The following PCLO variants were observed in gnomAD, a reference collection of about 807,000 sequenced individuals.
PCLO encodes piccolo presynaptic cytomatrix protein.
PCLO carries 82 observed loss-of-function variants against 427.5 expected under a neutral mutation model. The ratio of observed to expected loss-of-function variants is 0.19; its 90% CI spans 0.16 to 0.23. The LOEUF (loss-of-function observed/expected upper bound fraction) is 0.23. PCLO is among the 10% of genes least tolerant of loss of function. The pLI is 1.00. For missense variants in PCLO, 6,239 were observed against 6,115.9 expected, an observed-to-expected ratio of 1.02 and a Z score of -0.67; for synonymous variants, 2,357 against 2,155.4, an observed-to-expected ratio of 1.09 and a Z score of -2.59.
At chr7:83,044,469 T>C (rs568571879) in intron 3 of PCLO, among the ~76,000 whole-genome samples, 7 of 152,304 alleles carry the variant, frequency 4.6e-5, no homozygotes, top group South Asian at 2.1e-4. Flanking sequence ...ACTGGTTGTT[T>C]GAGTGGTTAA....
Position 82,951,440 on chromosome 7 carries a change from G to T in PCLO, c.9148C>A (p.Arg3050=). The change falls in exon 6 of 25, where the codon CGA becomes AGA. Residue 3050 remains arginine, a synonymous_variant. Transcript: ENST00000333891. ...ATCCCAGCTCCTGAAATGACTTGTC[G>T]TGTTTCTGGATATGGACCTGTAGTC... ...SKTTGPYPET[R]QVISGAGIST... 2 of 1,589,772 alleles carry T rather than the reference G, an allele frequency of 1.3e-6. No individual in the cohort carries two copies. Among genetic ancestry groups the T allele is most frequent in the Non-Finnish European group, 1.7e-6 (2 of 1,166,950 alleles).
At chr7:83,059,685 T>C (rs1052214963) in intron 3 of PCLO, among the ~76,000 whole-genome samples, 1 of 152,014 alleles carries the variant, frequency 6.6e-6, no homozygotes, top group African/African-American at 2.4e-5. Flanking sequence ...GCTTGGTGGT[T>C]AAGAGGTGAA....
At chr7:83,157,136 CTG>C in intron 1 of PCLO, among the ~76,000 whole-genome samples, 1 of 152,284 alleles carries the variant, frequency 6.6e-6, no homozygotes, top group South Asian at 2.1e-4. Flanking sequence ...CAGAGAGTGA[CTG>C]GGGATTATCC....
At chr7:83,092,687 T>G (rs1743907076) in intron 3 of PCLO, among the ~76,000 whole-genome samples, 2 of 152,008 alleles carry the variant, frequency 1.3e-5, no homozygotes, top group African/African-American at 4.8e-5. Flanking sequence ...CGGTGGCTCA[T>G]GCCTGTAATC....
At chr7:82,885,136 G>T (rs548141865) in intron 9 of PCLO, among the ~76,000 whole-genome samples, 6 of 152,216 alleles carry the variant, frequency 3.9e-5, no homozygotes, top group African/African-American at 1.4e-4. Flanking sequence ...AAAGGTGATG[G>T]ATAGCCACTA....
intron 3 of PCLO, among the ~76,000 whole-genome samples, chr7:83,115,679 C>T (rs1445844897): frequency 1.3e-5 from 2 of 152,022 alleles, no homozygotes; most frequent in Non-Finnish European, 2.9e-5. Flanking sequence ...CAACTTTAGG[C>T]ATTCCACACA....
intron 10 of PCLO, among the ~76,000 whole-genome samples, chr7:82,864,178 A>G (rs1480285584): frequency 6.6e-6 from 1 of 152,166 alleles, no homozygotes; most frequent in Non-Finnish European, 1.5e-5. Context: ...TCTTAGATGT[A>G]AGTGCATAAT....
chr7:83,144,592 TA>T (rs975092151), intron 2 of PCLO, among the ~76,000 whole-genome samples: 8 of 152,002 alleles, frequency 5.3e-5, no homozygotes, highest in African/African-American at 1.5e-4. Context: ...ACAGTATATT[TA>T]AAAAAAATCT....
intron 3 of PCLO, among the ~76,000 whole-genome samples, chr7:83,124,981 C>A (rs1046983780): frequency 6.6e-6 from 1 of 152,154 alleles, no homozygotes; most frequent in African/African-American, 2.4e-5. Context: ...GTCTCCAGCT[C>A]CTGACCTCGA....
chr7:83,069,958 G>A (rs1190698597), intron 3 of PCLO, among the ~76,000 whole-genome samples: 1 of 152,030 alleles, frequency 6.6e-6, no homozygotes. Flanking sequence ...TCCCTCAAGA[G>A]GTGAAGCTTG....
At chr7:83,086,082 T>A (rs1289044106) in intron 3 of PCLO, among the ~76,000 whole-genome samples, 2 of 151,834 alleles carry the variant, frequency 1.3e-5, no homozygotes, top group African/African-American at 4.8e-5. Context: ...AATTGCTACC[T>A]GAACACTGAC....
At chr7:82,768,272 A>T (rs1300188000) in intron 22 of PCLO, among the ~76,000 whole-genome samples, 1 of 152,030 alleles carries the variant, frequency 6.6e-6, no homozygotes, top group Non-Finnish European at 1.5e-5. Context: ...AAAATACAAA[A>T]ATTAGCCAGG....
chr7:82,834,170 A>C (rs1792168223), intron 16 of PCLO, among the ~76,000 whole-genome samples: 1 of 152,196 alleles, frequency 6.6e-6, no homozygotes, highest in Non-Finnish European at 1.5e-5. Flanking sequence ...TAAGTTAAAT[A>C]CAATCTCTAT....
intron 6 of PCLO, among the ~76,000 whole-genome samples, chr7:82,919,135 G>T (rs1313953714): frequency 6.6e-6 from 1 of 151,972 alleles, no homozygotes; most frequent in Admixed American, 6.6e-5. Context: ...CTTGTCATAT[G>T]CTCTTATGTA....
At chr7:82,926,815 G>T (rs186507603) in intron 6 of PCLO, among the ~76,000 whole-genome samples, 22 of 152,166 alleles carry the variant, frequency 1.4e-4, no homozygotes, top group African/African-American at 5.1e-4. Context: ...AAATATTTTG[G>T]AAGGCCCTTT....
Position 82,834,952 on chromosome 7 carries a change from T to TG in PCLO, c.14249+714_14249+715insC, listed in dbSNP as rs1554338189. ...AAGTTCAAACACCTATTATCTTTTT[T>TG]TTTGTTTGTTTGTTTGTTTGTTTGT... On this transcript the variant is annotated intron_variant, in intron 16 of 24. Transcript: ENST00000333891. 8.0e-3 allele frequency among the ~76,000 whole-genome samples: 1,015 copies of TG among 126,846 alleles called. 4 individuals are homozygous for TG. Among genetic ancestry groups the TG allele is most frequent in the Non-Finnish European group, 0.01 (569 of 56,100 alleles). The allele number at this position is 126,846 out of a possible 152,430, so 83.2% of individuals were successfully genotyped here.
At position 82,953,510 on chromosome 7, in the gene PCLO, A is replaced by G. The variant is rs747925924; in HGVS notation, c.7443T>C (p.Thr2481=). The change falls in exon 5 of 25, where the codon ACT becomes ACC. Residue 2481 remains threonine (T), a synonymous_variant. Transcript: ENST00000333891. Reference sequence around the variant, plus strand: ...GCTTAGGAGGAACAGGAGGAGGTGCAGTAGTACATATTCTTGTAACAGGTA... The same window carrying G: ...GCTTAGGAGGAACAGGAGGAGGTGCGGTAGTACATATTCTTGTAACAGGTA... ...NGLPVTRICT[T]APPPVPPKPS... The G allele has an allele frequency of 1.2e-6, 2 of 1,613,596 alleles. No homozygotes were observed. The highest frequency in any genetic ancestry group is 1.7e-6 in the Non-Finnish European group (2 of 1,179,788).
At chr7:82,907,548 A>C (rs1794220774) in intron 8 of PCLO, among the ~76,000 whole-genome samples, 1 of 152,030 alleles carries the variant, frequency 6.6e-6, no homozygotes, top group Non-Finnish European at 1.5e-5. Context: ...ATTTGATGAG[A>C]GTTGAAACAC....
chr7:82,955,393 A>C lies in PCLO; in HGVS notation c.5560T>G (p.Ser1854Ala). 1 of 1,613,894 alleles carries C rather than the reference A, an allele frequency of 6.2e-7. No homozygotes were observed. Among genetic ancestry groups the C allele is most frequent in the Non-Finnish European group, 8.5e-7 (1 of 1,179,834 alleles). The change falls in exon 5 of 25, where the codon TCT becomes GCT. Residue 1854 changes from serine to alanine, a missense_variant. Physicochemically the swap from Ser to Ala is moderately conservative, Grantham distance 99. Transcript: ENST00000333891. ...CTAGGTGAATATTCAGAACAAGAAG[A>C]TCTATGGAGCTCCTCCATTTCTGCA... ...QAAEMEELHRSSCSEYSPSIE... is the reference protein window; with the variant it reads ...QAAEMEELHRASCSEYSPSIE...
Sources: allele counts gnomAD v4.1 joint callset (sites outside exome capture counted in the v4.1 genomes callset), GRCh38; gene constraint gnomAD v4.1.1; transcripts MANE v1.5; gene names NCBI Gene and HGNC (gene_info 2026-07-23, HGNC 2026-07-21).